Variants in CHD7 observed in about 807,000 individuals in gnomAD.
CHD7 encodes the protein chromodomain helicase DNA binding protein 7.
A neutral mutation model predicts 307.3 loss-of-function variants in CHD7; 24 were observed. That is an observed-to-expected ratio of 0.08 (90% confidence interval 0.06 to 0.11). The LOEUF is 0.11. Among genes scored for constraint, CHD7 ranks in the 10% least tolerant of loss-of-function variants. CHD7 has a pLI of 1.00. For missense variants in CHD7, 3,106 were observed against 3,727.1 expected (o/e 0.83, Z 4.34); for synonymous variants, 1,363 against 1,349.9 (o/e 1.01, Z -0.21).
In CHD7 at chr8:60,835,966, T is replaced by A. The variant is rs557861244; in HGVS notation, c.3779-107T>A. On this transcript the variant is annotated intron_variant, in intron 15 of 37. Transcript: ENST00000423902. ...GGATTCTTGTTCATAAGCAGGAGTT[T>A]GGTGTTCTGGTTCCTACAGTTTGCA... The A allele has an allele frequency of 7.9e-4, 589 of 747,482 alleles. 14 individuals are homozygous for A. In the South Asian group the frequency reaches 1.0e-2, roughly 13 times the overall value. The allele number at this position is 747,482 out of a possible 1,614,324, so 46.3% of individuals were successfully genotyped here.
intron 1 of CHD7, among the ~76,000 whole-genome samples, chr8:60,699,536 T>C (rs1215106698): frequency 2.0e-5 from 3 of 152,174 alleles, no homozygotes; most frequent in Non-Finnish European, 4.4e-5. Context: ...TTTTTTTTTT[T>C]TTAAAGCCTG....
intron 2 of CHD7, among the ~76,000 whole-genome samples, chr8:60,752,833 T>C (rs1053643960): frequency 6.6e-6 from 1 of 152,260 alleles, no homozygotes; most frequent in African/African-American, 2.4e-5. Flanking sequence ...TTAACCACTT[T>C]GGAGTGTGCT....
At chr8:60,831,386 A>G (rs540081153) in intron 15 of CHD7, among the ~76,000 whole-genome samples, 2 of 152,194 alleles carry the variant, frequency 1.3e-5, no homozygotes, top group Non-Finnish European at 2.9e-5. Context: ...GGCTGAAGTA[A>G]CGATACAAGC....
At chr8:60,691,920 T>C (rs750768662) in intron 1 of CHD7, among the ~76,000 whole-genome samples, 12 of 152,142 alleles carry the variant, frequency 7.9e-5, no homozygotes, top group Admixed American at 1.3e-4. Flanking sequence ...AGACAGTCGC[T>C]TAGGGTGCTT....
rs561398606 is a variant in CHD7 at position 60,852,980 on chromosome 8, G to T, written c.6255G>T (p.Leu2085Phe). 87 of 1,614,024 alleles carry T rather than the reference G, an allele frequency of 5.4e-5. No homozygotes were observed. The highest frequency in any genetic ancestry group is 1.0e-4 in the Admixed American group (6 of 60,030). ...GGCTTAAGCTCTGCCAGCCAAGCTT[G>T]GATCTGCCAGAGTGGTGGGAGTGTG... The part of the protein sequence containing the change: ...GERLKLCQPS[L>F]DLPEWWECGR... Residue 2085 changes from leucine to phenylalanine, a missense_variant, in exon 31 of 38, where the codon TTG becomes TTT. Around this residue, in one of 10 missense-constraint regions of CHD7, gnomAD observed 1,030 missense variants for 1,165.4 expected, o/e 0.88. Transcript: ENST00000423902.
intron 19 of CHD7, among the ~76,000 whole-genome samples, chr8:60,840,641 A>G (rs571816421): frequency 2.7e-5 from 4 of 146,884 alleles, no homozygotes; most frequent in Admixed American, 2.1e-4. Flanking sequence ...TTTTTTTGAC[A>G]GAGTCTTGCT....
At position 60,742,658 on chromosome 8, in the gene CHD7, C is replaced by T. The variant is rs1010001124; in HGVS notation, c.1226C>T (p.Pro409Leu). Residue 409 changes from proline to leucine, a missense_variant, in exon 2 of 38, where the codon CCT becomes CTT. Transcript: ENST00000423902. ...MKAMSNPAGT[P>L]PPQVRPGSAG... The stretch of plus-strand genomic sequence containing the variant: ...GCAATGAGTAATCCAGCAGGCACTC[C>T]TCCTCCACAAGTCAGGCCGGGAAGT... The T allele has an allele frequency of 6.2e-7, 1 of 1,610,668 alleles. No homozygotes were observed. The highest frequency in any genetic ancestry group is 8.5e-7 in the Non-Finnish European group (1 of 1,177,570).
chr8:60,772,754 G>A (rs181660375), intron 2 of CHD7, among the ~76,000 whole-genome samples: 2 of 152,364 alleles, frequency 1.3e-5, no homozygotes, highest in Non-Finnish European at 1.5e-5. Context: ...AGAGAAGGGA[G>A]AGAATGAAAT....
intron 1 of CHD7, among the ~76,000 whole-genome samples, chr8:60,731,338 AT>A (rs1395970943): frequency 3.9e-5 from 6 of 152,190 alleles, no homozygotes; most frequent in Non-Finnish European, 8.8e-5. Flanking sequence ...ATTTGTGCTA[AT>A]TTTGCTGTTG....
intron 25 of CHD7, among the ~76,000 whole-genome samples, chr8:60,850,247 C>T (rs1805392362): frequency 6.6e-6 from 1 of 152,200 alleles, no homozygotes; most frequent in South Asian, 2.1e-4. Context: ...TATTCTGAAC[C>T]TGTTTTTCTA....
At position 60,838,234 on chromosome 8, in the gene CHD7, G is replaced by A. The variant is rs761458752; in HGVS notation, c.4512G>A (p.Gly1504=). The A allele has an allele frequency of 1.9e-6, 3 of 1,604,288 alleles. No homozygotes were observed. The South Asian group carries it at 3.4e-5, about 18-fold the overall frequency. The change falls in exon 19 of 38, where the codon GGG becomes GGA. Residue 1504 remains glycine, a synonymous_variant. Transcript: ENST00000423902. ...ACACCATTACCATTGAGTCAGAAGG[G>A]AAAGGTTCCACATTTGCTAAGGTGT... ...RTHTITIESE[G]KGSTFAKASF...
chr8:60,837,624 C>T (rs1804798540), intron 17 of CHD7, 44 bp from the exon 18 acceptor site: 1 of 1,452,768 alleles, frequency 6.9e-7, no homozygotes, highest in Non-Finnish European at 9.3e-7. Context: ...GAGACAGAAA[C>T]ATTAGGTTCA....
At chr8:60,760,001 G>A (rs1328793710) in intron 2 of CHD7, among the ~76,000 whole-genome samples, 3 of 152,184 alleles carry the variant, frequency 2.0e-5, no homozygotes, top group Non-Finnish European at 4.4e-5. Flanking sequence ...CCACTGAGTG[G>A]TAAGCATGCA....
intron 15 of CHD7, among the ~76,000 whole-genome samples, chr8:60,831,250 A>G (rs1804508946): frequency 6.6e-6 from 1 of 152,146 alleles, no homozygotes; most frequent in South Asian, 2.1e-4. Flanking sequence ...ATTCGCCACA[A>G]GCAGTCTTCA....
intron 1 of CHD7, among the ~76,000 whole-genome samples, chr8:60,686,481 G>C (rs1202215568): frequency 6.6e-6 from 1 of 152,192 alleles, no homozygotes; most frequent in South Asian, 2.1e-4. Context: ...GGCCCCTGTG[G>C]ATGTGGCTTT....
chr8:60,694,084 C>G (rs1806335649), intron 1 of CHD7, among the ~76,000 whole-genome samples: 1 of 152,190 alleles, frequency 6.6e-6, no homozygotes, highest in South Asian at 2.1e-4. Context: ...GGCATGGCCA[C>G]TAAAGACAAG....
intron 13 of CHD7, among the ~76,000 whole-genome samples, chr8:60,827,570 C>T (rs1398342618): frequency 1.3e-5 from 2 of 152,166 alleles, no homozygotes; most frequent in East Asian, 1.9e-4. Context: ...ATTGATTGAT[C>T]CTTACTGTTT....
chr8:60,759,482 T>TCCCTCC (rs1810063140), intron 2 of CHD7, among the ~76,000 whole-genome samples: 1 of 143,618 alleles, frequency 7.0e-6, no homozygotes, highest in African/African-American at 2.6e-5. Flanking sequence ...CCTCTCTCCC[T>TCCCTCC]CTCTCCCTCT....
Position 60,856,746 on chromosome 8 carries a change from T to G in CHD7, c.7466T>G (p.Leu2489Arg). The stretch of plus-strand genomic sequence containing the variant: ...CAAATGGAACTGCTCCAAGCAGGCC[T>G]TTCGCGCACACCCACAAGGCATCTC... ...KTQMELLQAG[L>R]SRTPTRHLLN... Residue 2489 changes from leucine to arginine, a missense_variant, in exon 34 of 38, where the codon CTT becomes CGT. By Grantham distance (102) the Leu-to-Arg change is moderately radical. Coordinates refer to ENST00000423902, the MANE Select transcript of CHD7 (RefSeq NM_017780.4). 4 of 1,614,040 alleles carry G rather than the reference T, an allele frequency of 2.5e-6. No individual in the cohort carries two copies. Among genetic ancestry groups the G allele is most frequent in the Non-Finnish European group, 3.4e-6 (4 of 1,179,896 alleles).
Sources: gnomAD v4.1 joint callset for allele counts (sites outside exome capture counted in the v4.1 genomes callset) on GRCh38, gnomAD v4.1.1 for gene constraint, gnomAD v4.1.1 regional missense constraint, MANE v1.5 for transcripts, NCBI Gene and HGNC (gene_info 2026-07-23, HGNC 2026-07-21) for gene names.